The following CSNK1G3 variants were observed in gnomAD, a reference collection of about 807,000 sequenced individuals.
CSNK1G3 encodes the protein casein kinase 1 gamma 3.
Under a neutral mutation model 64.3 loss-of-function variants are expected in CSNK1G3, and 23 were observed. The ratio of observed to expected loss-of-function variants is 0.36; its 90% CI spans 0.26 to 0.51. The LOEUF (loss-of-function observed/expected upper bound fraction) is 0.51. Ranked by LOEUF, CSNK1G3 falls within the 20% of genes least tolerant of loss-of-function variation. The probability of loss-of-function intolerance (pLI) is 0.96; values close to 1 mark genes in which losing one functional copy is unlikely to be tolerated. For missense variants in CSNK1G3, 357 were observed against 510.5 expected, an observed-to-expected ratio of 0.70 and a Z score of 2.90; for synonymous variants, 158 against 162.2, an observed-to-expected ratio of 0.97 and a Z score of 0.20.
At chr5:123,563,101 G>A (rs1786105452) in intron 4 of CSNK1G3, among the ~76,000 whole-genome samples, 1 of 151,918 alleles carries the variant, frequency 6.6e-6, no homozygotes. Context: ...TTAATTAGCT[G>A]ATATTTTTAA....
chr5:123,515,991 G>T (rs554369759), intron 1 of CSNK1G3, among the ~76,000 whole-genome samples: 4 of 152,206 alleles, frequency 2.6e-5, no homozygotes, highest in African/African-American at 9.6e-5. Flanking sequence ...GTGCATATTT[G>T]AGTCAGTTTT....
chr5:123,552,094 A>T (rs913144893), intron 2 of CSNK1G3, among the ~76,000 whole-genome samples: 1 of 152,108 alleles, frequency 6.6e-6, no homozygotes, highest in East Asian at 1.9e-4. Flanking sequence ...ATCTCTAGTG[A>T]TATTAGATAT....
At chr5:123,523,711 G>A (rs577595545) in intron 1 of CSNK1G3, among the ~76,000 whole-genome samples, 1 of 152,270 alleles carries the variant, frequency 6.6e-6, no homozygotes, top group South Asian at 2.1e-4. Flanking sequence ...AATGAGTACC[G>A]TTCTATAGGA....
chr5:123,567,530 C>A (rs919355781), intron 4 of CSNK1G3, among the ~76,000 whole-genome samples: 3 of 152,014 alleles, frequency 2.0e-5, no homozygotes, highest in Admixed American at 6.5e-5. Flanking sequence ...TCACTTGAAC[C>A]GTGAAGTGGA....
At chr5:123,585,697 TTAAG>T (rs1791205587) in intron 6 of CSNK1G3, among the ~76,000 whole-genome samples, 1 of 152,172 alleles carries the variant, frequency 6.6e-6, no homozygotes, top group South Asian at 2.1e-4. Context: ...GAAATACAAA[TTAAG>T]TCAGTTAATC....
chr5:123,524,797 A>G (rs1778742413), intron 1 of CSNK1G3, among the ~76,000 whole-genome samples: 1 of 152,166 alleles, frequency 6.6e-6, no homozygotes, highest in Non-Finnish European at 1.5e-5. Flanking sequence ...GGGAATGGTT[A>G]TTGTACTTCT....
chr5:123,590,001 C>A (rs1792048330), intron 8 of CSNK1G3, among the ~76,000 whole-genome samples: 1 of 151,968 alleles, frequency 6.6e-6, no homozygotes, highest in African/African-American at 2.4e-5. Context: ...AATACAGATG[C>A]TTTCATATAA....
At chr5:123,535,327 T>A (rs1365248619) in intron 1 of CSNK1G3, among the ~76,000 whole-genome samples, 3 of 152,116 alleles carry the variant, frequency 2.0e-5, no homozygotes, top group Non-Finnish European at 4.4e-5. Flanking sequence ...ATTATTCTTA[T>A]AATCCCCCAC....
At chr5:123,525,850 T>C (rs1434351432) in intron 1 of CSNK1G3, among the ~76,000 whole-genome samples, 1 of 151,242 alleles carries the variant, frequency 6.6e-6, no homozygotes, top group African/African-American at 2.4e-5. Context: ...ACAAAAAAAT[T>C]AGTCGGGCGT....
intron 3 of CSNK1G3, among the ~76,000 whole-genome samples, chr5:123,553,444 G>A (rs1309924114): frequency 6.6e-6 from 1 of 152,146 alleles, no homozygotes; most frequent in Non-Finnish European, 1.5e-5. Context: ...TTTTTAATTA[G>A]ATAAAAATTA....
chr5:123,583,794 C>T (rs1359945314), intron 6 of CSNK1G3, among the ~76,000 whole-genome samples: 3 of 152,112 alleles, frequency 2.0e-5, no homozygotes, highest in Non-Finnish European at 4.4e-5. Context: ...ATCCTCCCAC[C>T]TCAGCCTCCC....
chr5:123,615,132 T>G (rs1165798778), exon 13 of CSNK1G3: 1 of 152,616 alleles, frequency 6.6e-6, no homozygotes, highest in Non-Finnish European at 1.5e-5. Context: ...TTTTTAAAAA[T>G]GCAAAATATT....
intron 8 of CSNK1G3, among the ~76,000 whole-genome samples, chr5:123,590,006 A>G (rs1314637127): frequency 6.6e-6 from 1 of 152,158 alleles, no homozygotes; most frequent in Non-Finnish European, 1.5e-5. Flanking sequence ...AGATGCTTTC[A>G]TATAAATCAG....
At chr5:123,581,184 CAT>C (rs916177331) in intron 6 of CSNK1G3, among the ~76,000 whole-genome samples, 16 of 151,434 alleles carry the variant, frequency 1.1e-4, no homozygotes, top group African/African-American at 3.9e-4. Flanking sequence ...GTATAATGAA[CAT>C]AATTGGTATT....
chr5:123,575,690 C>A, intron 5 of CSNK1G3, 39 bp from the exon 6 acceptor site: 1 of 1,337,400 alleles, frequency 7.5e-7, no homozygotes, highest in Non-Finnish European at 1.1e-6. Context: ...CTAGTCAAAG[C>A]CCAAAATAAA....
At chr5:123,570,069 G>A (rs756451419) in intron 4 of CSNK1G3, among the ~76,000 whole-genome samples, 16 of 152,040 alleles carry the variant, frequency 1.1e-4, no homozygotes, top group Non-Finnish European at 2.2e-4. Context: ...TCTTAGCATG[G>A]TTTCTCATTC....
chr5:123,536,173 A>G (rs961929022), intron 1 of CSNK1G3, among the ~76,000 whole-genome samples: 1 of 152,112 alleles, frequency 6.6e-6, no homozygotes, highest in African/African-American at 2.4e-5. Context: ...AAGCATTAAA[A>G]GCTTTGGAGC....
intron 2 of CSNK1G3, among the ~76,000 whole-genome samples, chr5:123,551,351 C>T (rs1783601065): frequency 6.6e-6 from 1 of 152,008 alleles, no homozygotes; most frequent in Non-Finnish European, 1.5e-5. Context: ...AACTAATTGA[C>T]TAAAAATATG....
At chr5:123,521,020 A>G (rs745909076) in intron 1 of CSNK1G3, among the ~76,000 whole-genome samples, 10 of 152,108 alleles carry the variant, frequency 6.6e-5, no homozygotes, top group African/African-American at 1.2e-4. Context: ...ATGGTATTCT[A>G]TAAGTCTTAG....
Sources: allele counts gnomAD v4.1 joint callset (sites outside exome capture counted in the v4.1 genomes callset), GRCh38; gene constraint gnomAD v4.1.1; transcripts MANE v1.5; gene names NCBI Gene and HGNC (gene_info 2026-07-23, HGNC 2026-07-21).